PEMT: variants seen among roughly 807,000 people sequenced by gnomAD.
PEMT encodes the protein phospholipid methyltransferase.
Under a neutral mutation model 27.4 loss-of-function variants are expected in PEMT, and 23 were observed. The ratio of observed to expected loss-of-function variants is 0.84; its 90% CI spans 0.60 to 1.19. The LOEUF (loss-of-function observed/expected upper bound fraction) is 1.19, where lower values mean the gene tolerates loss of function less well. PEMT is among the 50% of genes most tolerant of loss of function. The pLI, the probability that PEMT is intolerant of heterozygous loss-of-function variation, is 0.00. For missense variants in PEMT, 307 were observed against 310.1 expected, an observed-to-expected ratio of 0.99 and a Z score of 0.07; for synonymous variants, 137 against 139.1, an observed-to-expected ratio of 0.98 and a Z score of 0.11.
At chr17:17,515,026 TG>T (rs1906716077) in intron 3 of PEMT, among the ~76,000 whole-genome samples, 1 of 151,986 alleles carries the variant, frequency 6.6e-6, no homozygotes, top group Non-Finnish European at 1.5e-5. Context: ...CTGCCTGCTG[TG>T]GAAAATGCAG....
chr17:17,538,563 GA>G (rs35655048), intron 2 of PEMT, among the ~76,000 whole-genome samples: 72,835 of 150,518 alleles, frequency 0.48, 17,839 homozygotes, highest in Non-Finnish European at 0.54. Context: ...TCCAAAAAAA[GA>G]AAAAAAAAAT....
chr17:17,508,583 A>G (rs1906089127), intron 5 of PEMT, among the ~76,000 whole-genome samples: 1 of 152,246 alleles, frequency 6.6e-6, no homozygotes, highest in Admixed American at 6.5e-5. Context: ...TGTTAAACAA[A>G]AGCAGTGGAA....
At chr17:17,589,293 A>T (rs1423824412) in intron 1 of PEMT, among the ~76,000 whole-genome samples, 13 of 93,968 alleles carry the variant, frequency 1.4e-4, no homozygotes, top group African/African-American at 3.0e-4. Context: ...TTTTTTTTTA[A>T]AAACAAAAGC....
chr17:17,533,437 A>C (rs1417538515), intron 2 of PEMT, among the ~76,000 whole-genome samples: 1 of 152,274 alleles, frequency 6.6e-6, no homozygotes, highest in Non-Finnish European at 1.5e-5. Context: ...ATGGTTTCTC[A>C]GATGCAACAC....
At chr17:17,541,475 C>A (rs1248906898) in intron 2 of PEMT, among the ~76,000 whole-genome samples, 2 of 152,232 alleles carry the variant, frequency 1.3e-5, no homozygotes, top group Admixed American at 6.5e-5. Flanking sequence ...CCAAGACCAC[C>A]GGCCGCAGCA....
rs1907447303 is a variant in PEMT at position 17,523,577 on chromosome 17, G to C, written c.205-1182C>G. On this transcript the variant is annotated intron_variant, in intron 2 of 6. Transcript: ENST00000255389. This position sits in a 1 kb window ranked among gnomAD's most constrained non-coding sequence, Gnocchi z 4.8. ...TCCCGGGCCTTCCCCTCAACCAGCT[G>C]TTGGCACTGCAGCCAATTCTCCCAG... Among the ~76,000 whole-genome samples the C allele has an allele frequency of 6.6e-6, 1 of 152,206 alleles. No individual in the cohort carries two copies. Among genetic ancestry groups the C allele is most frequent in the Admixed American group, 6.5e-5 (1 of 15,280 alleles).
intron 1 of PEMT, among the ~76,000 whole-genome samples, chr17:17,588,180 C>T (rs1459898501): frequency 6.6e-6 from 1 of 152,198 alleles, no homozygotes; most frequent in Non-Finnish European, 1.5e-5. Flanking sequence ...TCTGTCTTGG[C>T]TGATGCCAAA....
Position 17,522,412 on chromosome 17 carries a change from G to C in PEMT, c.205-17C>G, listed in dbSNP as rs764300023. On this transcript the variant is annotated splice_polypyrimidine_tract_variant and intron_variant, in intron 2 of 6. Coordinates refer to ENST00000255389, the MANE Select transcript of PEMT (RefSeq NM_148172.3). ...TCGTGCAACCTAAACCGTGAGCAGA[G>C]AACAAGAACGAGATATTTCCTGGGG... 9.0e-6 allele frequency: 13 copies of C among 1,439,550 alleles called. No homozygotes were observed. The South Asian group carries it at 1.4e-4, about 15-fold the overall frequency. 89.2% of individuals were successfully genotyped at this position (1,439,550 alleles called of 1,614,324 possible).
chr17:17,578,297 C>A (rs1911755388), intron 1 of PEMT, among the ~76,000 whole-genome samples: 1 of 151,668 alleles, frequency 6.6e-6, no homozygotes, highest in African/African-American at 2.4e-5. Flanking sequence ...GGGAGAATCA[C>A]TTGAGGCCAG....
At chr17:17,537,019 G>C (rs1196492374) in intron 2 of PEMT, among the ~76,000 whole-genome samples, 5 of 152,224 alleles carry the variant, frequency 3.3e-5, no homozygotes, top group African/African-American at 1.2e-4. Flanking sequence ...TTACAGGCCG[G>C]GGGGCACGGG....
At chr17:17,527,252 G>T (rs1162540979) in intron 2 of PEMT, among the ~76,000 whole-genome samples, 1 of 152,188 alleles carries the variant, frequency 6.6e-6, no homozygotes, top group African/African-American at 2.4e-5. Context: ...GGTTAGGCTG[G>T]TCTCAAACTC....
chr17:17,542,716 G>A (rs1280437415), intron 2 of PEMT, among the ~76,000 whole-genome samples: 4 of 152,216 alleles, frequency 2.6e-5, no homozygotes, highest in Admixed American at 1.3e-4. Flanking sequence ...AAGTCCATGA[G>A]ATCCTCGCCT....
At chr17:17,547,342 C>T (rs1429871356) in intron 2 of PEMT, among the ~76,000 whole-genome samples, 1 of 152,236 alleles carries the variant, frequency 6.6e-6, no homozygotes, top group African/African-American at 2.4e-5. Flanking sequence ...CTAGGGCAAG[C>T]AGGCGAGGCG....
intron 2 of PEMT, among the ~76,000 whole-genome samples, chr17:17,545,833 G>C (rs1350028817): frequency 1.3e-5 from 2 of 152,180 alleles, no homozygotes; most frequent in Non-Finnish European, 2.9e-5. Flanking sequence ...TGGAATCTAA[G>C]GGCTGATGTT....
Position 17,512,903 on chromosome 17 carries a change from A to G in PEMT, c.321-249T>C, listed in dbSNP as rs1906528336. ...AGAGAAGCCAGAAATCCTGACTCGT[A>G]TGTGAAATATCCTAATTTTTAGAAA... On this transcript the variant is annotated intron_variant, in intron 3 of 6. Transcript: ENST00000255389. This position sits in a 1 kb window ranked among gnomAD's most constrained non-coding sequence, Gnocchi z 6.3. Among the ~76,000 whole-genome samples the G allele has an allele frequency of 6.6e-6, 1 of 152,206 alleles. No homozygotes were observed. The highest frequency in any genetic ancestry group is 2.4e-5 in the African/African-American group (1 of 41,440).
intron 2 of PEMT, among the ~76,000 whole-genome samples, chr17:17,567,829 C>T (rs1295557625): frequency 4.6e-5 from 7 of 152,138 alleles, no homozygotes; most frequent in Non-Finnish European, 7.4e-5. Flanking sequence ...CCACAGGCTC[C>T]GCCAGTAAGC....
At position 17,553,472 on chromosome 17, in the gene PEMT, G is replaced by A. The variant is rs191221322; in HGVS notation, c.204+23448C>T. 4.5e-3 allele frequency among the ~76,000 whole-genome samples: 683 copies of A among 152,308 alleles called. 3 individuals carry two copies. Among genetic ancestry groups the A allele is most frequent in the Non-Finnish European group, 6.5e-3 (445 of 68,022 alleles). On this transcript the variant is annotated intron_variant, in intron 2 of 6. Coordinates refer to ENST00000255389, the MANE Select transcript of PEMT (RefSeq NM_148172.3). ...CACAGGCCCTTACCAGCGGCCACCCGGGTCTGCTTGTGGTGCCACTGTCCC... is the reference window on the plus strand; with the variant it reads ...CACAGGCCCTTACCAGCGGCCACCCAGGTCTGCTTGTGGTGCCACTGTCCC...
intron 1 of PEMT, among the ~76,000 whole-genome samples, chr17:17,584,997 A>G (rs1912168471): frequency 6.6e-6 from 1 of 152,218 alleles, no homozygotes; most frequent in African/African-American, 2.4e-5. Context: ...TGTGTCATCG[A>G]GTCCTGGTGA....
intron 2 of PEMT, among the ~76,000 whole-genome samples, chr17:17,532,448 T>C (rs1336864251): frequency 6.6e-6 from 1 of 152,180 alleles, no homozygotes; most frequent in Non-Finnish European, 1.5e-5. Flanking sequence ...AGGAGTAAAA[T>C]ACTTAAGAAT....
Sources: allele counts gnomAD v4.1 joint callset (sites outside exome capture counted in the v4.1 genomes callset), GRCh38; gene constraint gnomAD v4.1.1; non-coding constraint Gnocchi (gnomAD v3.1); transcripts MANE v1.5; gene names NCBI Gene and HGNC (gene_info 2026-07-23, HGNC 2026-07-21).